The following IQSEC1 variants were observed in gnomAD, a reference collection of about 807,000 sequenced individuals.
IQSEC1 encodes the protein IQ motif and SEC7 domain-containing protein 1.
Under a neutral mutation model 91.0 loss-of-function variants are expected in IQSEC1, and 31 were observed. The ratio of observed to expected loss-of-function variants is 0.34; its 90% CI spans 0.26 to 0.46. The LOEUF is 0.46. Ranked by LOEUF, IQSEC1 falls within the 20% of genes least tolerant of loss-of-function variation. The probability of loss-of-function intolerance (pLI) is 1.00; values close to 1 mark genes in which losing one functional copy is unlikely to be tolerated. For missense variants in IQSEC1, 1,388 were observed against 1,575.6 expected (o/e 0.88, Z 2.02); for synonymous variants, 699 against 662.6 (o/e 1.05, Z -0.84).
intron 1 of IQSEC1, chr3:13,022,362 C>T: frequency 8.6e-7 from 1 of 1,168,306 alleles, no homozygotes; most frequent in Non-Finnish European, 1.1e-6. Context: ...CTGCTCCAGA[C>T]CCTCCTGGCC....
intron 2 of IQSEC1, among the ~76,000 whole-genome samples, chr3:13,083,211 T>G (rs2125130638): frequency 6.6e-6 from 1 of 152,262 alleles, no homozygotes; most frequent in Admixed American, 6.5e-5. Context: ...GTGACACTAG[T>G]GTTCAAGGAG....
chr3:12,939,329 C>T (rs1698537980), intron 2 of IQSEC1, among the ~76,000 whole-genome samples: 1 of 152,218 alleles, frequency 6.6e-6, no homozygotes, highest in Non-Finnish European at 1.5e-5. Context: ...TGCCCTTCAG[C>T]AAAGCAGAAC....
chr3:13,023,765 T>C (rs1211371428), intron 1 of IQSEC1, among the ~76,000 whole-genome samples: 2 of 152,230 alleles, frequency 1.3e-5, no homozygotes, highest in East Asian at 3.8e-4. Flanking sequence ...GATAGGTTTC[T>C]ACAAAGGCTG....
At chr3:12,920,771 T>A (rs1196906911) in intron 5 of IQSEC1, among the ~76,000 whole-genome samples, 175 bp from the exon 6 acceptor site, 1 of 152,254 alleles carries the variant, frequency 6.6e-6, no homozygotes, top group African/African-American at 2.4e-5. Context: ...CTCACTCTAC[T>A]GTAGTCCCTC....
At chr3:13,017,039 G>C (rs1703166724) in intron 1 of IQSEC1, among the ~76,000 whole-genome samples, 1 of 152,212 alleles carries the variant, frequency 6.6e-6, no homozygotes, top group Non-Finnish European at 1.5e-5. Flanking sequence ...CACCTGTGCT[G>C]TAACACGTGC....
At chr3:13,162,154 G>A (rs547206474) in intron 2 of IQSEC1, among the ~76,000 whole-genome samples, 1 of 152,376 alleles carries the variant, frequency 6.6e-6, no homozygotes, top group East Asian at 1.9e-4. Flanking sequence ...TCACCAGTGA[G>A]AGCAGGCTGT....
At chr3:13,102,476 C>T (rs1706082655) in intron 2 of IQSEC1, among the ~76,000 whole-genome samples, 1 of 151,866 alleles carries the variant, frequency 6.6e-6, no homozygotes, top group South Asian at 2.1e-4. Context: ...CCCATGGTTT[C>T]CTTCTCTGAG....
intron 1 of IQSEC1, among the ~76,000 whole-genome samples, chr3:13,060,257 T>G (rs187868974): frequency 6.7e-4 from 100 of 149,642 alleles, no homozygotes; most frequent in Non-Finnish European, 1.3e-3. Context: ...GGCGGGGAGG[T>G]GGAAATGGTC....
At chr3:13,257,833 G>A (rs1388206200) in intron 1 of IQSEC1, among the ~76,000 whole-genome samples, 1 of 152,222 alleles carries the variant, frequency 6.6e-6, no homozygotes, top group Non-Finnish European at 1.5e-5. Context: ...TTTACTTAAG[G>A]GAGCTGAAAA....
intron 1 of IQSEC1, among the ~76,000 whole-genome samples, chr3:13,050,241 C>A (rs1306304773): frequency 1.3e-5 from 2 of 152,156 alleles, no homozygotes; most frequent in South Asian, 2.1e-4. Flanking sequence ...AAGACTGAGG[C>A]CTTGTTCTCC....
chr3:13,185,821 G>A (rs977856394), intron 1 of IQSEC1, among the ~76,000 whole-genome samples: 1 of 152,270 alleles, frequency 6.6e-6, no homozygotes, highest in African/African-American at 2.4e-5. Flanking sequence ...GCCAGTGTCT[G>A]CAGAACTTCG....
At chr3:13,223,415 C>T (rs904267522) in intron 1 of IQSEC1, among the ~76,000 whole-genome samples, 2 of 152,212 alleles carry the variant, frequency 1.3e-5, no homozygotes, top group Non-Finnish European at 2.9e-5. Flanking sequence ...GGCACAGCCT[C>T]CACCCCTGGG....
At chr3:13,069,840 T>C (rs529898457) in intron 1 of IQSEC1, among the ~76,000 whole-genome samples, 10 of 152,254 alleles carry the variant, frequency 6.6e-5, no homozygotes, top group Non-Finnish European at 1.2e-4. Context: ...AAGCTGCCAG[T>C]ACAGCAATGA....
intron 2 of IQSEC1, among the ~76,000 whole-genome samples, chr3:13,112,410 T>C (rs1706261711): frequency 6.6e-6 from 1 of 151,660 alleles, no homozygotes; most frequent in Non-Finnish European, 1.5e-5. Flanking sequence ...TCCGGAAGAG[T>C]CCCCGGCACA....
chr3:12,908,717 C>T lies in IQSEC1; in HGVS notation c.2579-192G>A, dbSNP rs1043004760. 1.3e-5 allele frequency among the ~76,000 whole-genome samples: 2 copies of T among 151,966 alleles called. No homozygotes were observed. The highest frequency in any genetic ancestry group is 2.9e-5 in the Non-Finnish European group (2 of 67,954). Reference sequence around the variant, plus strand: ...CAGAAAGGAGATCCCAGGAGGGAGGCTAGAGAGACCAGAGGGCCTTGTGAC... The same window carrying T: ...CAGAAAGGAGATCCCAGGAGGGAGGTTAGAGAGACCAGAGGGCCTTGTGAC... On this transcript the variant is annotated intron_variant, in intron 11 of 13. Transcript: ENST00000613206. This position sits in a 1 kb window ranked among gnomAD's most constrained non-coding sequence, Gnocchi z 4.9.
chr3:12,936,054 C>G lies in IQSEC1; in HGVS notation c.962G>C (p.Arg321Pro), dbSNP rs758170522. The change falls in exon 3 of 14, where the codon CGG becomes CCG. Residue 321 changes from arginine (R) to proline (P), a missense_variant. This residue lies in a region of IQSEC1 where 1,059 missense variants were observed against 1,317.8 expected (regional missense o/e 0.80). Coordinates refer to ENST00000613206, the MANE Select transcript of IQSEC1 (RefSeq NM_001134382.3). ...PSSTESDLRL[R>P]AGGAAPDYWA... ...GTAGTCTGGGGCTGCGCCCCCAGCC[C>G]GTAGCCGCAGGTCCGACTCGGTGCT... The G allele has an allele frequency of 6.2e-7, 1 of 1,605,530 alleles. No individual in the cohort carries two copies. The highest frequency in any genetic ancestry group is 8.5e-7 in the Non-Finnish European group (1 of 1,179,768).
At chr3:13,277,573 A>G (rs993549040) in intron 1 of IQSEC1, among the ~76,000 whole-genome samples, 3 of 151,234 alleles carry the variant, frequency 2.0e-5, no homozygotes, top group African/African-American at 7.3e-5. Flanking sequence ...AATGAGAATC[A>G]CTCTCCCCAC....
chr3:13,017,585 C>A lies in IQSEC1; in HGVS notation c.23+55407G>T, dbSNP rs191714322. Among the ~76,000 whole-genome samples the A allele has an allele frequency of 6.6e-5, 10 of 152,312 alleles. No homozygotes were observed. In the East Asian group the frequency reaches 1.7e-3, roughly 26 times the overall value. On this transcript the variant is annotated intron_variant, in intron 1 of 13. Transcript: ENST00000613206. ...TCAGGTCCTCCTCTGTGCTGTGGGA[C>A]AGTGCTCCTCACAGGGTGGGCGCTA...
intron 1 of IQSEC1, among the ~76,000 whole-genome samples, chr3:13,238,718 A>G (rs1246260097): frequency 6.6e-6 from 1 of 152,128 alleles, no homozygotes; most frequent in Admixed American, 6.5e-5. Flanking sequence ...GCTCTCCTAG[A>G]AACAGTGAGC....
Sources: gnomAD v4.1 joint callset for allele counts (sites outside exome capture counted in the v4.1 genomes callset) on GRCh38, gnomAD v4.1.1 for gene constraint, gnomAD v4.1.1 regional missense constraint, Gnocchi (gnomAD v3.1) non-coding constraint, MANE v1.5 for transcripts, NCBI Gene and HGNC (gene_info 2026-07-23, HGNC 2026-07-21) for gene names.